Variants in USP37 observed in about 807,000 individuals in gnomAD.
USP37 encodes ubiquitin specific peptidase 37.
A neutral mutation model predicts 124.0 loss-of-function variants in USP37; 27 were observed. That is an observed-to-expected ratio of 0.22 (90% CI 0.16 to 0.30). The LOEUF is 0.30. Ranked by LOEUF, USP37 falls within the 10% of genes least tolerant of loss-of-function variation. USP37 has a pLI of 1.00. For synonymous variants in USP37, 365 were observed against 388.0 expected (o/e 0.94, Z 0.70); for missense variants, 889 against 1,140.4 (o/e 0.78, Z 3.17).
intron 10 of USP37, among the ~76,000 whole-genome samples, chr2:218,512,307 G>A (rs1690043769): frequency 1.3e-5 from 2 of 152,102 alleles, no homozygotes; most frequent in Admixed American, 6.6e-5. Context: ...AGGAGTTTGA[G>A]AACAGCCTGG....
intron 9 of USP37, among the ~76,000 whole-genome samples, chr2:218,533,461 G>A (rs1691449941): frequency 1.3e-5 from 2 of 152,010 alleles, no homozygotes. Flanking sequence ...CATTAATCTT[G>A]TCATTTGGCC....
chr2:218,510,107 T>G lies in USP37; in HGVS notation c.897A>C (p.Lys299Asn), dbSNP rs1299150704. Reference protein sequence around the residue: ...TNVSSQTPSAKRSLGFLPQPV... With the variant: ...TNVSSQTPSANRSLGFLPQPV... ...GCTGAGGAAGAAATCCCAAACTTCT[T>G]TTGGCAGAGGGAGTCTGGCTTGAAA... The change falls in exon 11 of 26, where the codon AAA (lysine) becomes AAC (asparagine). Residue 299 changes from lysine to asparagine, a missense_variant. By Grantham distance (94) the Lys-to-Asn change is moderately conservative. This residue lies in a region of USP37 where 374 missense variants were observed against 386.0 expected (regional missense o/e 0.97). Coordinates refer to ENST00000258399, the MANE Select transcript of USP37 (RefSeq NM_020935.3). 2 of 1,612,588 alleles carry G rather than the reference T, an allele frequency of 1.2e-6. No homozygotes were observed. The highest frequency in any genetic ancestry group is 2.2e-5 in the South Asian group (2 of 90,164).
intron 11 of USP37, among the ~76,000 whole-genome samples, chr2:218,504,164 A>G (rs929034580): frequency 1.4e-4 from 22 of 152,332 alleles, no homozygotes; most frequent in Middle Eastern, 3.4e-3. Flanking sequence ...GGAAGGAAAA[A>G]TATACAGGTT....
chr2:218,455,780 G>T lies in USP37; in HGVS notation c.2714-62C>A. 1.9e-6 allele frequency: 3 copies of T among 1,545,812 alleles called. No homozygotes were observed. In the South Asian group the frequency reaches 3.5e-5, roughly 18 times the overall value. On this transcript the variant is annotated intron_variant, in intron 24 of 25. Transcript: ENST00000258399. ...AAACACACCGAAGCTGGGCGCGATG[G>T]CTCACGCCTGTAATCTCAGCACTTT...
chr2:218,510,561 T>C (rs1341229005), intron 10 of USP37, among the ~76,000 whole-genome samples: 1 of 152,160 alleles, frequency 6.6e-6, no homozygotes, highest in Non-Finnish European at 1.5e-5. Flanking sequence ...GAAGTGAAAA[T>C]GTTGGAGGTA....
chr2:218,538,974 AT>A (rs1691816734), intron 8 of USP37, among the ~76,000 whole-genome samples: 1 of 146,596 alleles, frequency 6.8e-6, no homozygotes, highest in South Asian at 2.1e-4. Context: ...ACTTTATTTT[AT>A]TTTTATTTTT....
chr2:218,544,459 A>AGAGAGAGAGAGG (rs1457872657), intron 8 of USP37, among the ~76,000 whole-genome samples: 5 of 143,296 alleles, frequency 3.5e-5, no homozygotes, highest in African/African-American at 1.3e-4. Flanking sequence ...AGAGAGAGAG[A>AGAGAGAGAGAGG]GACCCCAATT....
At chr2:218,499,146 C>T (rs575329272) in intron 11 of USP37, among the ~76,000 whole-genome samples, 8 of 152,198 alleles carry the variant, frequency 5.3e-5, no homozygotes, top group East Asian at 1.9e-4. Flanking sequence ...TGGAGGCATG[C>T]GCCTGTAGTC....
intron 14 of USP37, 51 bp from the exon 15 acceptor site, chr2:218,488,472 C>T (rs10932782): frequency 0.64 from 773,365 of 1,210,582 alleles, 248,941 homozygotes; most frequent in East Asian, 0.9. Flanking sequence ...ACACAAGAAA[C>T]ACAAATATAC....
chr2:218,474,674 G>T lies in USP37; in HGVS notation c.2255C>A (p.Pro752Gln). The change falls in exon 20 of 26, where the codon CCA (proline) becomes CAA (glutamine). Residue 752 changes from proline to glutamine, a missense_variant. By Grantham distance (76) the Pro-to-Gln change is moderately conservative (BLOSUM62 -1). Around this residue, in one of 3 missense-constraint regions of USP37, gnomAD observed 504 missense variants for 714.3 expected, o/e 0.71. Transcript: ENST00000258399. ...GGGCTTCTCAGTTTCCATAGTGTCT[G>T]GATTTTCTGGCATTTCTTGAATATC... ...EDDIQEMPEN[P>Q]DTMETEKPKT... 3.1e-6 allele frequency: 5 copies of T among 1,614,164 alleles called. No homozygotes were observed. Among genetic ancestry groups the T allele is most frequent in the Non-Finnish European group, 3.4e-6 (4 of 1,180,032 alleles).
At position 218,537,910 on chromosome 2, in the gene USP37, C is replaced by T. The variant is rs564952915; in HGVS notation, c.681-3204G>A. Among the ~76,000 whole-genome samples the T allele has an allele frequency of 2.6e-5, 4 of 152,256 alleles. No individual in the cohort carries two copies. In the East Asian group the frequency reaches 5.8e-4, roughly 22 times the overall value. ...TTATTAAGCCCTGGAAGAGACAGAG[C>T]ATCTGACTGATGGTCATCAAGGGAC... On this transcript the variant is annotated intron_variant, in intron 8 of 25. Transcript: ENST00000258399.
chr2:218,563,035 T>C (rs1444922559), intron 1 of USP37, among the ~76,000 whole-genome samples: 2 of 151,720 alleles, frequency 1.3e-5, no homozygotes, highest in Non-Finnish European at 2.9e-5. Flanking sequence ...TGGCAGTGCA[T>C]GTCTGTAATC....
At chr2:218,513,795 C>T (rs1172040110) in intron 10 of USP37, among the ~76,000 whole-genome samples, 2 of 152,102 alleles carry the variant, frequency 1.3e-5, no homozygotes, top group African/African-American at 2.4e-5. Flanking sequence ...TGTTTAACCA[C>T]TTACTTTCTC....
intron 1 of USP37, among the ~76,000 whole-genome samples, chr2:218,566,097 G>T (rs891780820): frequency 3.3e-5 from 5 of 152,082 alleles, no homozygotes; most frequent in African/African-American, 1.2e-4. Flanking sequence ...ATGATATAAA[G>T]CAAGATACAT....
At chr2:218,528,801 C>T (rs1691130219) in intron 10 of USP37, 1 of 13,548 alleles carries the variant, frequency 7.4e-5, no homozygotes, top group Admixed American at 1.4e-3. Flanking sequence ...CCCAATAAAT[C>T]TGAAAAAAAA....
intron 6 of USP37, among the ~76,000 whole-genome samples, chr2:218,548,376 T>C (rs537184780): frequency 1.4e-4 from 21 of 148,734 alleles, no homozygotes; most frequent in Admixed American, 9.2e-4. Context: ...AGTCTTACTC[T>C]GTCAACCAGG....
intron 8 of USP37, among the ~76,000 whole-genome samples, chr2:218,536,951 C>T (rs192696561): frequency 1.1e-4 from 16 of 152,178 alleles, no homozygotes; most frequent in African/African-American, 3.6e-4. Context: ...ATAGGGCTCA[C>T]GCAGTATCTC....
intron 8 of USP37, among the ~76,000 whole-genome samples, chr2:218,544,365 AC>A (rs1345327434): frequency 7.2e-6 from 1 of 138,076 alleles, no homozygotes; most frequent in Non-Finnish European, 1.5e-5. Context: ...AGCCTGGGTG[AC>A]AGAACAAGAC....
At chr2:218,518,519 A>G (rs1690423909) in intron 10 of USP37, among the ~76,000 whole-genome samples, 1 of 152,238 alleles carries the variant, frequency 6.6e-6, no homozygotes, top group African/African-American at 2.4e-5. Context: ...TATTTCAGGT[A>G]GTACTAAGAA....
Sources: gnomAD v4.1 joint callset for allele counts (sites outside exome capture counted in the v4.1 genomes callset) on GRCh38, gnomAD v4.1.1 for gene constraint, gnomAD v4.1.1 regional missense constraint, MANE v1.5 for transcripts, NCBI Gene and HGNC (gene_info 2026-07-23, HGNC 2026-07-21) for gene names.